ATG10: variants seen among roughly 807,000 people sequenced by gnomAD.
ATG10 encodes the protein ubiquitin-like-conjugating enzyme ATG10.
A neutral mutation model predicts 32.1 loss-of-function variants in ATG10; 30 were observed. The ratio of observed to expected loss-of-function variants is 0.94; its 90% CI spans 0.70 to 1.27. The LOEUF (loss-of-function observed/expected upper bound fraction) is 1.27, where lower values mean the gene tolerates loss of function less well. Among genes scored for constraint, ATG10 ranks in the 50% most tolerant of loss-of-function variants. ATG10 has a pLI of 0.00. For synonymous variants in ATG10, 87 were observed against 91.5 expected (o/e 0.95, Z 0.28); for missense variants, 233 against 262.3 (o/e 0.89, Z 0.77).
chr5:82,130,864 A>C (rs1241085309), intron 3 of ATG10, among the ~76,000 whole-genome samples: 1 of 152,136 alleles, frequency 6.6e-6, no homozygotes, highest in Non-Finnish European at 1.5e-5. Context: ...CTTTCTATAA[A>C]CATAGGAAAA....
At chr5:82,098,777 T>C (rs1241668243) in intron 3 of ATG10, among the ~76,000 whole-genome samples, 1 of 152,204 alleles carries the variant, frequency 6.6e-6, no homozygotes, top group East Asian at 1.9e-4. Context: ...GCTGGAACAA[T>C]GTGAGTTCAC....
At chr5:82,078,749 TAAAC>T (rs900980687) in intron 3 of ATG10, 2 of 152,128 alleles carry the variant, frequency 1.3e-5, no homozygotes, top group African/African-American at 4.8e-5. Flanking sequence ...AAACTTTTAA[TAAAC>T]AAACCAAAAA....
intron 4 of ATG10, 94 bp downstream of exon 4, chr5:82,164,631 T>A: frequency 7.9e-7 from 1 of 1,272,272 alleles, no homozygotes; most frequent in Non-Finnish European, 1.1e-6. Flanking sequence ...GGAAAAAAAA[T>A]AGAGTTAAAA....
In ATG10 at chr5:82,254,724, TG is replaced by T. The variant is rs1424440228; in HGVS notation, c.*662del. The T allele has an allele frequency of 6.6e-6, 1 of 152,082 alleles. No individual in the cohort carries two copies. Among genetic ancestry groups the T allele is most frequent in the African/African-American group, 2.4e-5 (1 of 41,394 alleles). The allele number at this position is 152,082 out of a possible 1,614,324, so 9.4% of individuals were successfully genotyped here. On this transcript the variant is annotated 3_prime_UTR_variant, in exon 8 of 8. Coordinates refer to ENST00000282185, the MANE Select transcript of ATG10 (RefSeq NM_031482.5). Reference sequence around the variant, plus strand: ...TCTGACATGGAGATTGAGGGAGAAATGTATTTGTGTGTTCATTTTAATGTAA... The same window carrying T: ...TCTGACATGGAGATTGAGGGAGAAATTATTTGTGTGTTCATTTTAATGTAA...
chr5:82,083,863 A>G (rs926616960), intron 3 of ATG10, among the ~76,000 whole-genome samples: 2 of 152,210 alleles, frequency 1.3e-5, no homozygotes, highest in Non-Finnish European at 1.5e-5. Flanking sequence ...TAAAACCACA[A>G]AGATGCAGAG....
At chr5:82,179,141 T>C (rs1187007409) in intron 5 of ATG10, among the ~76,000 whole-genome samples, 1 of 152,100 alleles carries the variant, frequency 6.6e-6, no homozygotes, top group Non-Finnish European at 1.5e-5. Flanking sequence ...AAAAACAGAA[T>C]GGTTGTATAG....
At chr5:81,990,953 G>T (rs1450651444) in intron 2 of ATG10, among the ~76,000 whole-genome samples, 2 of 152,178 alleles carry the variant, frequency 1.3e-5, no homozygotes, top group Admixed American at 1.3e-4. Context: ...CAACAGTGAG[G>T]ACCAAACGAA....
chr5:81,983,195 C>G (rs1761113594), intron 1 of ATG10, among the ~76,000 whole-genome samples: 1 of 150,756 alleles, frequency 6.6e-6, no homozygotes. Flanking sequence ...GATCCCCCCA[C>G]CTCCCTCCCG....
intron 4 of ATG10, among the ~76,000 whole-genome samples, chr5:82,174,112 T>C (rs1000126815): frequency 6.6e-6 from 1 of 152,212 alleles, no homozygotes; most frequent in Admixed American, 6.5e-5. Flanking sequence ...TAATAATGTA[T>C]GCCACGATTT....
chr5:82,029,392 A>G (rs1762683239), intron 2 of ATG10, among the ~76,000 whole-genome samples: 2 of 152,208 alleles, frequency 1.3e-5, no homozygotes, highest in African/African-American at 2.4e-5. Context: ...AGTTTACCCT[A>G]TTATTCAAAT....
intron 2 of ATG10, among the ~76,000 whole-genome samples, chr5:81,994,164 C>T (rs115561384): frequency 1.5e-3 from 231 of 152,220 alleles, no homozygotes; most frequent in African/African-American, 5.2e-3. Context: ...TGTAGAAGTC[C>T]CATTTTCTAT....
intron 5 of ATG10, among the ~76,000 whole-genome samples, chr5:82,251,772 T>C (rs1299454952): frequency 6.6e-6 from 1 of 152,144 alleles, no homozygotes; most frequent in African/African-American, 2.4e-5. Flanking sequence ...ACCCACTACA[T>C]AGAAACCTCC....
rs141112774 is a variant in ATG10 at position 82,092,785 on chromosome 5, C to T, written c.216+34183C>T. Among the ~76,000 whole-genome samples the T allele has an allele frequency of 3.2e-3, 494 of 152,188 alleles. 8 individuals are homozygous for T. Among genetic ancestry groups the T allele is most frequent in the Admixed American group, 0.022 (334 of 15,272 alleles). On this transcript the variant is annotated intron_variant, in intron 3 of 7. Coordinates refer to ENST00000282185, the MANE Select transcript of ATG10 (RefSeq NM_031482.5). ...GATATTAGGGTGTGAATAAATAGAC[C>T]CTACCTCTTGAGCAGCAATATCACA...
chr5:82,201,245 C>T (rs1383552590), intron 5 of ATG10, among the ~76,000 whole-genome samples: 4 of 152,092 alleles, frequency 2.6e-5, no homozygotes, highest in Admixed American at 6.5e-5. Flanking sequence ...TTGTTTGCCT[C>T]GCCCAAGGTC....
intron 2 of ATG10, among the ~76,000 whole-genome samples, chr5:82,047,233 T>C (rs1763260350): frequency 6.6e-6 from 1 of 152,046 alleles, no homozygotes; most frequent in Admixed American, 6.6e-5. Context: ...AACCAAATTG[T>C]TTAATAAAAA....
intron 3 of ATG10, among the ~76,000 whole-genome samples, chr5:82,110,618 A>G (rs1489418177): frequency 6.6e-6 from 1 of 152,110 alleles, no homozygotes; most frequent in Non-Finnish European, 1.5e-5. Flanking sequence ...ATGTCTGTTC[A>G]TATCCTTTGC....
intron 2 of ATG10, among the ~76,000 whole-genome samples, chr5:82,028,725 G>A (rs924650758): frequency 2.1e-4 from 32 of 152,190 alleles, no homozygotes; most frequent in Non-Finnish European, 4.4e-5. Flanking sequence ...ACTAGAAGGA[G>A]AACTGGAACT....
At chr5:82,151,932 A>G (rs903972984) in intron 3 of ATG10, among the ~76,000 whole-genome samples, 4 of 152,218 alleles carry the variant, frequency 2.6e-5, no homozygotes, top group Non-Finnish European at 5.9e-5. Flanking sequence ...ATGGATCTGT[A>G]GATCTTTCTC....
intron 1 of ATG10, among the ~76,000 whole-genome samples, chr5:81,977,605 A>G (rs1233448493): frequency 6.6e-6 from 1 of 152,176 alleles, no homozygotes; most frequent in Admixed American, 6.5e-5. Flanking sequence ...TTTTATTTTT[A>G]AACCTTGCAT....
Sources: allele counts gnomAD v4.1 joint callset (sites outside exome capture counted in the v4.1 genomes callset), GRCh38; gene constraint gnomAD v4.1.1; transcripts MANE v1.5; gene names NCBI Gene and HGNC (gene_info 2026-07-23, HGNC 2026-07-21).